ERC1: variants seen among roughly 807,000 people sequenced by gnomAD.
The protein encoded by ERC1 is RAB6 interacting protein 2.
Under a neutral mutation model 132.0 loss-of-function variants are expected in ERC1, and 56 were observed. That is an observed-to-expected ratio of 0.42 (90% CI 0.34 to 0.53). The LOEUF (loss-of-function observed/expected upper bound fraction) is 0.53. Ranked by LOEUF, ERC1 falls within the 20% of genes least tolerant of loss-of-function variation. The pLI is 0.03. For missense variants in ERC1, 1,202 were observed against 1,349.9 expected (o/e 0.89, Z 1.72); for synonymous variants, 478 against 476.1 (o/e 1.00, Z -0.05).
chr12:1,318,459 T>C (rs1311336187), intron 15 of ERC1, among the ~76,000 whole-genome samples: 2 of 152,336 alleles, frequency 1.3e-5, no homozygotes, highest in South Asian at 4.1e-4. Context: ...TGAAATAAAT[T>C]GGCAAGCTCA....
intron 14 of ERC1, among the ~76,000 whole-genome samples, chr12:1,288,868 TTAAA>T (rs1303385345): frequency 3.3e-5 from 5 of 152,158 alleles, no homozygotes; most frequent in Non-Finnish European, 7.4e-5. Flanking sequence ...ACAAGTTTAT[TTAAA>T]TAATTCTGAT....
chr12:1,370,602 GATT>G (rs1248297873), intron 15 of ERC1, among the ~76,000 whole-genome samples: 1 of 152,172 alleles, frequency 6.6e-6, no homozygotes, highest in Non-Finnish European at 1.5e-5. Context: ...TAAGTTACAG[GATT>G]ATTCTTAAAG....
chr12:1,381,098 A>G lies in ERC1; in HGVS notation c.2925+9121A>G, dbSNP rs548453600. On this transcript the variant is annotated intron_variant, in intron 16 of 18. Transcript: ENST00000360905. ...ACTGAGAAGACATTCCTCAAAACACATCTGTGTTAGGCACTGCCAGGGCCC... is the reference window on the plus strand; with the variant it reads ...ACTGAGAAGACATTCCTCAAAACACGTCTGTGTTAGGCACTGCCAGGGCCC... The G allele has an allele frequency of 1.2e-4, 18 of 152,310 alleles. 1 individual carries two copies. The highest frequency in any genetic ancestry group is 4.3e-4 in the African/African-American group (18 of 41,566). The allele number at this position is 152,310 out of a possible 1,614,324, so 9.4% of individuals were successfully genotyped here.
intron 1 of ERC1, among the ~76,000 whole-genome samples, chr12:995,761 T>C (rs186304701): frequency 2.6e-5 from 4 of 152,268 alleles, no homozygotes; most frequent in Admixed American, 2.0e-4. Context: ...ATTGGGGATA[T>C]AAACCTGACA....
At chr12:1,117,461 C>T (rs990083565) in intron 7 of ERC1, among the ~76,000 whole-genome samples, 3 of 152,142 alleles carry the variant, frequency 2.0e-5, no homozygotes, top group Non-Finnish European at 4.4e-5. Flanking sequence ...CTCCATTCTA[C>T]CTCACAGAGA....
intron 2 of ERC1, among the ~76,000 whole-genome samples, chr12:1,064,596 G>A (rs1386139064): frequency 6.6e-6 from 1 of 152,104 alleles, no homozygotes; most frequent in Non-Finnish European, 1.5e-5. Flanking sequence ...GTCTTGCTAT[G>A]TTGCCCAGGC....
chr12:1,222,681 A>G (rs566112537), intron 12 of ERC1, among the ~76,000 whole-genome samples: 64 of 152,240 alleles, frequency 4.2e-4, no homozygotes, highest in Non-Finnish European at 5.9e-5. Flanking sequence ...TTGATTGATA[A>G]TATTTTTTTT....
chr12:1,231,666 A>G (rs1402805478), intron 12 of ERC1, among the ~76,000 whole-genome samples: 1 of 145,154 alleles, frequency 6.9e-6, no homozygotes, highest in African/African-American at 2.4e-5. Flanking sequence ...ATTTCTGAAG[A>G]ACAACTTTTT....
chr12:1,208,377 A>G (rs141099239), intron 12 of ERC1, among the ~76,000 whole-genome samples: 20 of 152,086 alleles, frequency 1.3e-4, no homozygotes, highest in Admixed American at 7.2e-4. Context: ...CTCATCAACT[A>G]TTATTAGTGT....
intron 12 of ERC1, among the ~76,000 whole-genome samples, chr12:1,198,063 C>G (rs932989051): frequency 6.6e-6 from 1 of 151,900 alleles, no homozygotes; most frequent in Non-Finnish European, 1.5e-5. Flanking sequence ...GTAGCTGAGA[C>G]TAGAGGTGCA....
intron 8 of ERC1, among the ~76,000 whole-genome samples, chr12:1,157,309 G>A (rs184387970): frequency 5.9e-5 from 9 of 152,250 alleles, no homozygotes; most frequent in Non-Finnish European, 1.3e-4. Flanking sequence ...TTTGCCATGT[G>A]GCCCAGGCTG....
At chr12:1,421,139 G>A (rs1483724865) in intron 17 of ERC1, among the ~76,000 whole-genome samples, 1 of 151,976 alleles carries the variant, frequency 6.6e-6, no homozygotes, top group East Asian at 1.9e-4. Context: ...CACTCTTCTA[G>A]CTATTGAAAA....
rs573145914 is a variant in ERC1, at chr12:1,115,337, G to T, written c.1402-529G>T. Among the ~76,000 whole-genome samples the T allele has an allele frequency of 2.0e-5, 3 of 152,250 alleles. No individual in the cohort carries two copies. The South Asian group carries it at 6.2e-4, about 32-fold the overall frequency. On this transcript the variant is annotated intron_variant, in intron 6 of 18. Coordinates refer to ENST00000360905, the MANE Select transcript of ERC1 (RefSeq NM_178040.4). ...CATTAAAAGTGGCTTTTTAAGATAA[G>T]AATTTTATGCAAACTTTTGAGAATG...
chr12:1,383,187 A>G (rs573440777), intron 16 of ERC1, among the ~76,000 whole-genome samples: 28 of 152,264 alleles, frequency 1.8e-4, no homozygotes, highest in Middle Eastern at 3.4e-3. Context: ...AATTGTCTCA[A>G]CGCAGATAAA....
chr12:1,362,195 A>G (rs1399206862), intron 15 of ERC1, among the ~76,000 whole-genome samples: 1 of 152,220 alleles, frequency 6.6e-6, no homozygotes, highest in Non-Finnish European at 1.5e-5. Context: ...AGTCATTCAC[A>G]GAGATTCTGC....
intron 7 of ERC1, among the ~76,000 whole-genome samples, chr12:1,137,213 C>T (rs1042884738): frequency 7.9e-5 from 12 of 151,294 alleles, no homozygotes; most frequent in African/African-American, 2.7e-4. Flanking sequence ...ATTCTCCTGC[C>T]TCAGCCTCCC....
intron 12 of ERC1, among the ~76,000 whole-genome samples, chr12:1,211,630 G>A (rs1230946130): frequency 6.6e-6 from 1 of 152,060 alleles, no homozygotes; most frequent in African/African-American, 2.4e-5. Flanking sequence ...CGCAATCTTG[G>A]CTCACTGCAA....
intron 16 of ERC1, among the ~76,000 whole-genome samples, chr12:1,405,827 G>GA (rs1166581407): frequency 6.6e-6 from 1 of 152,142 alleles, no homozygotes. Context: ...AAGACGGGGG[G>GA]ATCACTTAAG....
intron 17 of ERC1, among the ~76,000 whole-genome samples, chr12:1,420,548 C>T (rs900544809): frequency 2.6e-5 from 4 of 152,250 alleles, no homozygotes; most frequent in East Asian, 3.9e-4. Context: ...CTCTGCCTCC[C>T]GAGTTCACAC....
Sources: allele counts gnomAD v4.1 joint callset (sites outside exome capture counted in the v4.1 genomes callset), GRCh38; gene constraint gnomAD v4.1.1; transcripts MANE v1.5; gene names NCBI Gene and HGNC (gene_info 2026-07-23, HGNC 2026-07-21).